The following SUSD6 variants were observed in gnomAD, a reference collection of about 807,000 sequenced individuals.
SUSD6 encodes sushi domain-containing protein 6.
SUSD6 carries 16 observed loss-of-function variants against 28.4 expected under a neutral mutation model. The observed-to-expected ratio is 0.56, with a 90% confidence interval of 0.38 to 0.86. The LOEUF (loss-of-function observed/expected upper bound fraction) is 0.86. SUSD6 is among the 40% of genes least tolerant of loss of function. The pLI is 0.00. For synonymous variants in SUSD6, 147 were observed against 159.6 expected, an observed-to-expected ratio of 0.92 and a Z score of 0.59; for missense variants, 341 against 384.2, an observed-to-expected ratio of 0.89 and a Z score of 0.94.
intron 2 of SUSD6, among the ~76,000 whole-genome samples, chr14:69,677,971 C>T (rs995222509): frequency 1.3e-5 from 2 of 152,170 alleles, no homozygotes; most frequent in Admixed American, 1.3e-4. Context: ...TAATATTTTG[C>T]CATACTTGCT....
chr14:69,702,144 C>T (rs192205594), intron 2 of SUSD6, among the ~76,000 whole-genome samples: 111 of 152,288 alleles, frequency 7.3e-4, no homozygotes, highest in African/African-American at 2.6e-3. Flanking sequence ...AAAAAGAAAA[C>T]GACCGTTCTT....
intron 2 of SUSD6, among the ~76,000 whole-genome samples, chr14:69,669,255 A>C (rs1226671776): frequency 6.6e-6 from 1 of 151,478 alleles, no homozygotes; most frequent in East Asian, 1.9e-4. Flanking sequence ...ATAGAGACGG[A>C]GTTTCACCAT....
chr14:69,646,900 A>G (rs377281355), intron 1 of SUSD6, among the ~76,000 whole-genome samples: 3 of 151,984 alleles, frequency 2.0e-5, no homozygotes, highest in African/African-American at 7.2e-5. Context: ...ACGGGGTTTC[A>G]CCATGTTAGC....
chr14:69,614,786 T>G (rs1479767253), intron 1 of SUSD6, among the ~76,000 whole-genome samples: 1 of 152,194 alleles, frequency 6.6e-6, no homozygotes, highest in African/African-American at 2.4e-5. Context: ...CAGAACCACT[T>G]GCCAGCAGAG....
At chr14:69,627,631 A>G (rs1303476728) in intron 1 of SUSD6, among the ~76,000 whole-genome samples, 1 of 151,840 alleles carries the variant, frequency 6.6e-6, no homozygotes, top group Admixed American at 6.6e-5. Flanking sequence ...CGCCTGGCTA[A>G]TTTTTTGTAT....
At chr14:69,617,790 T>G (rs989401931) in intron 1 of SUSD6, 1 of 152,222 alleles carries the variant, frequency 6.6e-6, no homozygotes, top group African/African-American at 2.4e-5. Flanking sequence ...GTGCACCTGC[T>G]CAAAGGCTTC....
At chr14:69,644,518 C>T (rs1002686783) in intron 1 of SUSD6, among the ~76,000 whole-genome samples, 1 of 151,876 alleles carries the variant, frequency 6.6e-6, no homozygotes, top group Non-Finnish European at 1.5e-5. Flanking sequence ...GGCTTGGGGG[C>T]GTGTGCCTGT....
rs146952995 is a variant in SUSD6 at position 69,680,414 on chromosome 14, G to A, written c.121+21701G>A. On this transcript the variant is annotated intron_variant, in intron 2 of 5. Transcript: ENST00000342745. ...TCCAAGGCCCCATCATCTCTCACCAGGCTCTTACTGGTTTCCGTGTCTCCA... is the reference window on the plus strand; with the variant it reads ...TCCAAGGCCCCATCATCTCTCACCAAGCTCTTACTGGTTTCCGTGTCTCCA... Among the ~76,000 whole-genome samples the A allele has an allele frequency of 5.0e-3, 755 of 152,234 alleles. 5 individuals carry two copies. Among genetic ancestry groups the A allele is most frequent in the Non-Finnish European group, 8.4e-3 (569 of 68,006 alleles).
intron 1 of SUSD6, among the ~76,000 whole-genome samples, chr14:69,635,095 G>A (rs527802679): frequency 6.6e-6 from 1 of 152,208 alleles, no homozygotes; most frequent in Non-Finnish European, 1.5e-5. Context: ...TAATGTTGAT[G>A]ATGATGGAGG....
chr14:69,694,354 A>G (rs1308084291), intron 2 of SUSD6, among the ~76,000 whole-genome samples: 2 of 152,224 alleles, frequency 1.3e-5, no homozygotes, highest in Admixed American at 6.5e-5. Context: ...TTGAATCCCC[A>G]TGTTAAAAAT....
intron 2 of SUSD6, among the ~76,000 whole-genome samples, chr14:69,701,484 G>T (rs1026582420): frequency 6.6e-6 from 1 of 152,194 alleles, no homozygotes; most frequent in Non-Finnish European, 1.5e-5. Flanking sequence ...GAGTAAGTCA[G>T]GGAGATCTGT....
intron 1 of SUSD6, among the ~76,000 whole-genome samples, chr14:69,625,671 T>C (rs981949570): frequency 6.6e-6 from 1 of 152,158 alleles, no homozygotes; most frequent in Non-Finnish European, 1.5e-5. Context: ...TTTTCCACCT[T>C]CCAGGGCAGA....
chr14:69,697,597 A>G (rs953601753), intron 2 of SUSD6, among the ~76,000 whole-genome samples: 3 of 152,152 alleles, frequency 2.0e-5, no homozygotes, highest in Non-Finnish European at 2.9e-5. Context: ...GTTTCCATTT[A>G]TCTTCCTAAT....
intron 2 of SUSD6, among the ~76,000 whole-genome samples, chr14:69,665,262 A>G (rs905337440): frequency 3.9e-5 from 6 of 151,914 alleles, no homozygotes; most frequent in African/African-American, 1.5e-4. Flanking sequence ...TTTTTCTGAG[A>G]CAGGGTTTCA....
At chr14:69,659,875 C>T (rs915321854) in intron 2 of SUSD6, among the ~76,000 whole-genome samples, 1 of 152,118 alleles carries the variant, frequency 6.6e-6, no homozygotes, top group Admixed American at 6.5e-5. Flanking sequence ...CTCCAGAGAC[C>T]CTTCTAGGCA....
chr14:69,637,986 C>G (rs566334409), intron 1 of SUSD6, among the ~76,000 whole-genome samples: 2 of 152,148 alleles, frequency 1.3e-5, no homozygotes, highest in East Asian at 3.8e-4. Context: ...GCTGCTGCCC[C>G]CCACCACTCT....
intron 1 of SUSD6, among the ~76,000 whole-genome samples, chr14:69,630,980 A>G (rs1306215528): frequency 6.6e-6 from 1 of 152,214 alleles, no homozygotes; most frequent in Non-Finnish European, 1.5e-5. Context: ...AGCTTTCTTA[A>G]CATGAGGTGC....
At chr14:69,621,004 C>T (rs1435036423) in intron 1 of SUSD6, among the ~76,000 whole-genome samples, 1 of 152,132 alleles carries the variant, frequency 6.6e-6, no homozygotes, top group African/African-American at 2.4e-5. Context: ...TGTGGCTTTA[C>T]AACCTGCTGG....
Position 69,713,265 on chromosome 14 carries a change from T to C in SUSD6, c.*2286T>C, listed in dbSNP as rs776200381. 3.9e-5 allele frequency: 6 copies of C among 152,234 alleles called. No homozygotes were observed. Among genetic ancestry groups the C allele is most frequent in the Non-Finnish European group, 8.8e-5 (6 of 68,086 alleles). The allele number at this position is 152,234 out of a possible 1,614,324, so 9.4% of individuals were successfully genotyped here. A position where few individuals can be genotyped will look rare whatever the true frequency, so the allele number is the denominator to read the frequency against. On this transcript the variant is annotated 3_prime_UTR_variant, in exon 6 of 6. Transcript: ENST00000342745. ...AGCCTTCCTTCTCCTGAAGCCTCTT[T>C]CCGCCCTGCCCTCCACTAACAACAC...
Sources: allele counts gnomAD v4.1 joint callset (sites outside exome capture counted in the v4.1 genomes callset), GRCh38; gene constraint gnomAD v4.1.1; transcripts MANE v1.5; gene names NCBI Gene and HGNC (gene_info 2026-07-23, HGNC 2026-07-21).